The following RPA3 variants were observed in gnomAD, a reference collection of about 807,000 sequenced individuals.
RPA3 encodes the protein replication protein A 14 kDa subunit.
RPA3 carries 24 observed loss-of-function variants against 13.7 expected under a neutral mutation model. That is an observed-to-expected ratio of 1.75 (90% CI 1.27 to 2.46). The LOEUF (loss-of-function observed/expected upper bound fraction) is 2.46. Ranked by LOEUF, RPA3 falls within the 30% of genes most tolerant of loss-of-function variation. The probability of loss-of-function intolerance (pLI) is 0.00; values close to 1 mark genes in which losing one functional copy is unlikely to be tolerated. For missense variants in RPA3, 183 were observed against 151.0 expected (o/e 1.21, Z -1.11); for synonymous variants, 59 against 51.2 (o/e 1.15, Z -0.65).
At chr7:7,665,824 C>CT (rs1331154292) in intron 4 of RPA3, among the ~76,000 whole-genome samples, 2,529 of 142,996 alleles carry the variant, frequency 0.018, 24 homozygotes, top group Non-Finnish European at 0.027. Context: ...TTTCCATCAG[C>CT]TTTTTTTTTT....
intron 7 of RPA3, among the ~76,000 whole-genome samples, 165 bp from the exon 8 acceptor site, chr7:7,637,247 A>G (rs1195598551): frequency 1.3e-5 from 2 of 152,168 alleles, no homozygotes; most frequent in Non-Finnish European, 2.9e-5. Context: ...GTGGCACCAA[A>G]AAAAAGACAT....
chr7:7,668,465 TTTA>T (rs1483771147), intron 4 of RPA3, among the ~76,000 whole-genome samples: 5 of 152,180 alleles, frequency 3.3e-5, no homozygotes, highest in East Asian at 1.9e-4. Flanking sequence ...ATAGTTCTAT[TTTA>T]TTATTAGTTA....
chr7:7,673,575 A>C (rs1779665790), intron 4 of RPA3: 1 of 618,648 alleles, frequency 1.6e-6, no homozygotes, highest in African/African-American at 1.8e-5. Flanking sequence ...TATGTGTTTA[A>C]TTTTTAAAGC....
intron 4 of RPA3, among the ~76,000 whole-genome samples, chr7:7,684,563 C>T (rs7804775): frequency 0.63 from 95,658 of 151,900 alleles, 30,436 homozygotes; most frequent in East Asian, 0.87. Context: ...GTTGAATCCA[C>T]CCATGAGGAA....
chr7:7,673,310 T>TAGCAGCAGCAGC lies in RPA3; in HGVS notation c.-758+12508_-758+12519dup. 5.5e-3 allele frequency: 5,642 copies of TAGCAGCAGCAGC among 1,033,848 alleles called. 18 individuals are homozygous for TAGCAGCAGCAGC. Among genetic ancestry groups the TAGCAGCAGCAGC allele is most frequent in the African/African-American group, 9.6e-3 (587 of 60,990 alleles). 64.0% of individuals were successfully genotyped at this position (1,033,848 alleles called of 1,614,324 possible). ...CATTGTGTAATGTTTCTATTTCAGG[T>TAGCAGCAGCAGC]AGCAGCAGCAGCAGCAGCAGCAGCA... On this transcript the variant is annotated intron_variant, in intron 4 of 7. Coordinates refer to ENST00000223129, the MANE Select transcript of RPA3 (RefSeq NM_002947.5).
chr7:7,671,292 C>A (rs1779599961), intron 4 of RPA3, among the ~76,000 whole-genome samples: 1 of 152,140 alleles, frequency 6.6e-6, no homozygotes, highest in African/African-American at 2.4e-5. Flanking sequence ...TCTGTGCATG[C>A]CCCCCTCTTC....
chr7:7,664,020 A>C (rs184298052), intron 4 of RPA3, among the ~76,000 whole-genome samples: 121 of 152,324 alleles, frequency 7.9e-4, no homozygotes, highest in Admixed American at 1.7e-3. Flanking sequence ...ACACTTTGCC[A>C]CCTGAAGGCC....
intron 4 of RPA3, among the ~76,000 whole-genome samples, chr7:7,650,350 C>T (rs4720747): frequency 0.67 from 101,192 of 152,054 alleles, 34,133 homozygotes; most frequent in East Asian, 0.88. Flanking sequence ...TTATTTCATT[C>T]GAGTTCTCAA....
At chr7:7,698,132 C>T (rs930334246) in intron 2 of RPA3, among the ~76,000 whole-genome samples, 2 of 152,198 alleles carry the variant, frequency 1.3e-5, no homozygotes, top group Non-Finnish European at 2.9e-5. Context: ...ACTGTGCTGA[C>T]AGGCACTAAG....
At chr7:7,692,056 C>T (rs1780184868) in intron 2 of RPA3, among the ~76,000 whole-genome samples, 1 of 152,210 alleles carries the variant, frequency 6.6e-6, no homozygotes, top group African/African-American at 2.4e-5. Context: ...ATGTTGATAA[C>T]TGCAGTTATT....
chr7:7,642,559 G>A (rs991158559), intron 4 of RPA3, among the ~76,000 whole-genome samples: 3 of 151,974 alleles, frequency 2.0e-5, no homozygotes, highest in African/African-American at 7.3e-5. Context: ...TTAAGCAAAG[G>A]CTTTCTTTTA....
At chr7:7,697,626 TA>T (rs995004219) in intron 2 of RPA3, among the ~76,000 whole-genome samples, 3 of 152,226 alleles carry the variant, frequency 2.0e-5, no homozygotes, top group African/African-American at 7.2e-5. Flanking sequence ...AAGATATTTT[TA>T]TTTTTTTAAG....
chr7:7,698,865 CTT>C (rs1393268610), intron 2 of RPA3, among the ~76,000 whole-genome samples: 6 of 147,738 alleles, frequency 4.1e-5, no homozygotes, highest in African/African-American at 1.0e-4. Context: ...AACTCACCCT[CTT>C]GTCTTTTTTT....
intron 4 of RPA3, among the ~76,000 whole-genome samples, chr7:7,677,156 G>A (rs1430276720): frequency 6.6e-6 from 1 of 152,030 alleles, no homozygotes; most frequent in African/African-American, 2.4e-5. Context: ...CAGGGTACAT[G>A]TGATGTTTTG....
chr7:7,673,358 CA>C (rs1457300129), intron 4 of RPA3: 17 of 1,276,520 alleles, frequency 1.3e-5, no homozygotes, highest in Admixed American at 2.0e-5. Flanking sequence ...GCAGCAGCAG[CA>C]GCAGCAGCAG....
intron 2 of RPA3, among the ~76,000 whole-genome samples, chr7:7,696,731 C>T (rs1780328062): frequency 6.6e-6 from 1 of 152,166 alleles, no homozygotes; most frequent in Admixed American, 6.5e-5. Flanking sequence ...AGTCAGCTCT[C>T]AATAGTGGGC....
At chr7:7,655,031 G>A (rs143919661) in intron 4 of RPA3, among the ~76,000 whole-genome samples, 30 of 152,216 alleles carry the variant, frequency 2.0e-4, no homozygotes, top group African/African-American at 7.0e-4. Context: ...TAGAAAATTA[G>A]TAATTCTGGA....
chr7:7,684,480 A>T (rs1158960540), intron 4 of RPA3, among the ~76,000 whole-genome samples: 4 of 151,864 alleles, frequency 2.6e-5, no homozygotes, highest in Admixed American at 2.6e-4. Context: ...AAGTGTTGGG[A>T]TTACTGGCCT....
intron 4 of RPA3, among the ~76,000 whole-genome samples, chr7:7,659,706 G>A (rs1241872004): frequency 1.3e-5 from 2 of 152,196 alleles, no homozygotes; most frequent in Non-Finnish European, 2.9e-5. Flanking sequence ...TTCCTGAGGA[G>A]TGTTTTACTT....
Sources: gnomAD v4.1 joint callset for allele counts (sites outside exome capture counted in the v4.1 genomes callset) on GRCh38, gnomAD v4.1.1 for gene constraint, MANE v1.5 for transcripts, NCBI Gene and HGNC (gene_info 2026-07-23, HGNC 2026-07-21) for gene names.